The following SLC3A1 variants were observed in gnomAD, a reference collection of about 807,000 sequenced individuals.
SLC3A1 encodes the protein amino acid transporter heavy chain SLC3A1.
A neutral mutation model predicts 60.3 loss-of-function variants in SLC3A1; 78 were observed. The ratio of observed to expected loss-of-function variants is 1.29; its 90% CI spans 1.08 to 1.56. The LOEUF (loss-of-function observed/expected upper bound fraction) is 1.56. Ranked by LOEUF, SLC3A1 falls within the 40% of genes most tolerant of loss-of-function variation. The pLI, the probability that SLC3A1 is intolerant of heterozygous loss-of-function variation, is 0.00. For synonymous variants in SLC3A1, 392 were observed against 307.9 expected, an observed-to-expected ratio of 1.27 and a Z score of -2.86; for missense variants, 1,172 against 858.9, an observed-to-expected ratio of 1.36 and a Z score of -4.56.
At chr2:44,305,382 T>C (rs1207279284) in intron 7 of SLC3A1, among the ~76,000 whole-genome samples, 5 of 151,810 alleles carry the variant, frequency 3.3e-5, no homozygotes, top group Admixed American at 6.6e-5. Context: ...TTAAACAAAA[T>C]GCAAGTTTCT....
chr2:44,286,177 CAGA>C lies in SLC3A1; in HGVS notation c.891+21_891+23del. Reference sequence around the variant, plus strand: ...ATAAAAGTGAGTATAGATACCCACACAGACTTCTCCATTAATGGAGGTTTAGGT... The same window carrying C: ...ATAAAAGTGAGTATAGATACCCACACCTTCTCCATTAATGGAGGTTTAGGT... On this transcript the variant is annotated intron_variant, in intron 4 of 9. Coordinates refer to ENST00000260649, the MANE Select transcript of SLC3A1 (RefSeq NM_000341.4). 1 of 1,610,440 alleles carries C rather than the reference CAGA, an allele frequency of 6.2e-7. No homozygotes were observed. Among genetic ancestry groups the C allele is most frequent in the South Asian group, 1.1e-5 (1 of 91,004 alleles).
At position 44,292,475 on chromosome 2, in the gene SLC3A1, G is replaced by T. The variant is rs574999384; in HGVS notation, c.891+6318G>T. ...TCTTGACCATGTGCTAAGGGTGTGGGGGCTGGTAAGATAGATACCTCTTGT... is the reference window on the plus strand; with the variant it reads ...TCTTGACCATGTGCTAAGGGTGTGGTGGCTGGTAAGATAGATACCTCTTGT... On this transcript the variant is annotated intron_variant, in intron 4 of 9. Coordinates refer to ENST00000260649, the MANE Select transcript of SLC3A1 (RefSeq NM_000341.4). Among the ~76,000 whole-genome samples, 520 of 152,182 alleles carry T rather than the reference G, an allele frequency of 3.4e-3. 3 individuals are homozygous for T. The highest frequency in any genetic ancestry group is 0.012 in the African/African-American group (503 of 41,506).
chr2:44,312,457 T>C, intron 7 of SLC3A1, 129 bp from the exon 8 acceptor site: 2 of 935,304 alleles, frequency 2.1e-6, no homozygotes, highest in Middle Eastern at 2.2e-4. Context: ...AGGACTCAAG[T>C]CCAGGCTTGC....
chr2:44,303,481 C>T (rs1026801116), intron 6 of SLC3A1, among the ~76,000 whole-genome samples: 4 of 152,004 alleles, frequency 2.6e-5, no homozygotes, highest in Non-Finnish European at 4.4e-5. Context: ...AAGTTATCCA[C>T]CTGCCTCGGC....
chr2:44,288,645 C>T (rs886808531), intron 4 of SLC3A1, among the ~76,000 whole-genome samples: 15 of 152,208 alleles, frequency 9.9e-5, no homozygotes, highest in African/African-American at 3.4e-4. Context: ...TCTCCACATT[C>T]TCACCAACAC....
In SLC3A1 at chr2:44,301,084, C is replaced by G; in HGVS notation, c.1093C>G (p.Arg365Gly). 6.2e-7 allele frequency: 1 copy of G among 1,614,128 alleles called. No individual in the cohort carries two copies. Among genetic ancestry groups the G allele is most frequent in the Non-Finnish European group, 8.5e-7 (1 of 1,180,032 alleles). Residue 365 changes from arginine (R) to glycine (G), a missense_variant, in exon 6 of 10, where the codon CGG becomes GGG. By Grantham distance (125) the Arg-to-Gly change is moderately radical. Transcript: ENST00000260649. The part of the protein sequence containing the change: ...VGMHDIVRSF[R>G]QTMDQYSTEP... ...AATGCACGACATTGTCCGCAGCTTCCGGCAGACCATGGACCAATACAGCAC... is the reference window on the plus strand; with the variant it reads ...AATGCACGACATTGTCCGCAGCTTCGGGCAGACCATGGACCAATACAGCAC...
rs536251987 is a variant in SLC3A1 at position 44,320,853 on chromosome 2, T to C, written c.*214T>C. 60 of 573,488 alleles carry C rather than the reference T, an allele frequency of 1.0e-4. No individual in the cohort carries two copies. The South Asian group carries it at 1.2e-3, about 11-fold the overall frequency. The allele number at this position is 573,488 out of a possible 1,614,324, so 35.5% of individuals were successfully genotyped here. ...TGGCTTATAGGAGCTTATAACTTTA[T>C]TCAGATAGCATCAATCAGGGATGAC... On this transcript the variant is annotated 3_prime_UTR_variant, in exon 10 of 10. Transcript: ENST00000260649.
chr2:44,276,298 C>G (rs1490671791), intron 1 of SLC3A1, among the ~76,000 whole-genome samples: 1 of 152,036 alleles, frequency 6.6e-6, no homozygotes, highest in African/African-American at 2.4e-5. Flanking sequence ...TTTCTGGGGA[C>G]TTTATAGTTG....
intron 4 of SLC3A1, among the ~76,000 whole-genome samples, chr2:44,294,599 A>C (rs533566869): frequency 6.6e-6 from 1 of 152,134 alleles, no homozygotes; most frequent in East Asian, 1.9e-4. Flanking sequence ...ATTGATGGAG[A>C]CACTGAGGCT....
At chr2:44,305,145 T>C (rs920399462) in intron 7 of SLC3A1, among the ~76,000 whole-genome samples, 1 of 152,092 alleles carries the variant, frequency 6.6e-6, no homozygotes, top group Non-Finnish European at 1.5e-5. Context: ...CTAACATTTT[T>C]CAAGACTGGC....
intron 9 of SLC3A1, chr2:44,316,485 G>A (rs1011662000): frequency 3.3e-5 from 5 of 152,170 alleles, no homozygotes; most frequent in African/African-American, 1.2e-4. Flanking sequence ...AAAAAATCGG[G>A]ATACATGGAA....
chr2:44,315,715 AAACAGTTCT>A (rs1293011029), intron 9 of SLC3A1, among the ~76,000 whole-genome samples: 1 of 151,524 alleles, frequency 6.6e-6, no homozygotes, highest in Non-Finnish European at 1.5e-5. Flanking sequence ...TACAGGAGAA[AAACAGTTCT>A]AACAGAGACA....
chr2:44,302,927 G>T (rs1040930692), intron 6 of SLC3A1, among the ~76,000 whole-genome samples: 12 of 152,050 alleles, frequency 7.9e-5, no homozygotes, highest in Non-Finnish European at 1.8e-4. Flanking sequence ...GGCTTGGTGC[G>T]GTGGCTCATG....
intron 7 of SLC3A1, among the ~76,000 whole-genome samples, chr2:44,306,982 T>C (rs1672173920): frequency 1.3e-5 from 2 of 152,170 alleles, no homozygotes; most frequent in Non-Finnish European, 2.9e-5. Context: ...ACATCTCCAC[T>C]AGCAATAACT....
intron 2 of SLC3A1, 82 bp downstream of exon 2, chr2:44,280,977 C>T (rs1558453337): frequency 3.3e-6 from 4 of 1,195,342 alleles, no homozygotes; most frequent in Middle Eastern, 1.9e-4. Context: ...AGCATTTCTT[C>T]TCCTTAACTG....
chr2:44,304,376 T>TG lies in SLC3A1; in HGVS notation c.1332+39dup, dbSNP rs1308513893. ...GACAGCAGAGTACATAATGTGCTGCTGTTGCCTTTGCTGTCCAGTTATCTC... is the reference window on the plus strand; with the variant it reads ...GACAGCAGAGTACATAATGTGCTGCTGGTTGCCTTTGCTGTCCAGTTATCTC... On this transcript the variant is annotated intron_variant, in intron 7 of 9. Coordinates refer to ENST00000260649, the MANE Select transcript of SLC3A1 (RefSeq NM_000341.4). 3 of 1,499,152 alleles carry TG rather than the reference T, an allele frequency of 2.0e-6. No individual in the cohort carries two copies. The African/African-American group carries it at 4.1e-5, about 21-fold the overall frequency. 92.9% of individuals were successfully genotyped at this position (1,499,152 alleles called of 1,614,324 possible).
chr2:44,312,910 C>A, intron 8 of SLC3A1, 157 bp downstream of exon 8: 1 of 647,596 alleles, frequency 1.5e-6, no homozygotes. Context: ...GAATTCTCAG[C>A]TTTCTTGGTG....
rs1213289982 is a variant in SLC3A1 at position 44,313,921 on chromosome 2, C to T, written c.1587C>T (p.Thr529=). 1 of 1,613,860 alleles carries T rather than the reference C, an allele frequency of 6.2e-7. No individual in the cohort carries two copies. Residue 529 remains threonine, a synonymous_variant, in exon 9 of 10, where the codon ACC becomes ACT. Coordinates refer to ENST00000260649, the MANE Select transcript of SLC3A1 (RefSeq NM_000341.4). ...AAGCTAGTAACACCTGGTTACCTAC[C>T]AATTCAGATTACCACACTGTGAATG... The part of the protein sequence containing the change: ...FSEASNTWLP[T]NSDYHTVNVD...
chr2:44,312,718 ATT>A lies in SLC3A1; in HGVS notation c.1466_1467del (p.Ile489SerfsTer7), dbSNP rs1558469048. ...TGGAGAAGAAATTGGAATGGGAAATATTGTAGCCGCAAATCTCAATGAAAGCT... is the reference window on the plus strand; with the variant it reads ...TGGAGAAGAAATTGGAATGGGAAATAGTAGCCGCAAATCTCAATGAAAGCT... ...YYGEEIGMGN[I>X]VAANLNESYD... On this transcript the variant is annotated frameshift_variant, in exon 8 of 10. Coordinates refer to ENST00000260649, the MANE Select transcript of SLC3A1 (RefSeq NM_000341.4). LOFTEE classifies it high-confidence loss of function. 1 of 1,613,446 alleles carries A rather than the reference ATT, an allele frequency of 6.2e-7. No homozygotes were observed. Among genetic ancestry groups the A allele is most frequent in the Non-Finnish European group, 8.5e-7 (1 of 1,179,534 alleles).
Sources: gnomAD v4.1 joint callset for allele counts (sites outside exome capture counted in the v4.1 genomes callset) on GRCh38, gnomAD v4.1.1 for gene constraint, MANE v1.5 for transcripts, NCBI Gene and HGNC (gene_info 2026-07-23, HGNC 2026-07-21) for gene names.